Variants in ZFP90 observed in about 807,000 individuals in gnomAD.
ZFP90 encodes ZFP90 zinc finger protein.
In ZFP90, 38 loss-of-function variants were observed where a neutral mutation model predicts 60.8. That is an observed-to-expected ratio of 0.62 (90% CI 0.48 to 0.82). ZFP90 has a LOEUF of 0.82. ZFP90 is among the 40% of genes least tolerant of loss of function. The pLI, the probability that ZFP90 is intolerant of heterozygous loss-of-function variation, is 0.00. For missense variants in ZFP90, 711 were observed against 759.1 expected (o/e 0.94, Z 0.74); for synonymous variants, 287 against 264.8 (o/e 1.08, Z -0.82).
chr16:68,543,281 A>AT (rs1488575838), intron 2 of ZFP90, among the ~76,000 whole-genome samples: 8 of 152,170 alleles, frequency 5.3e-5, no homozygotes, highest in Non-Finnish European at 1.2e-4. Context: ...AACTTCATAG[A>AT]TTTTTTAAAA....
downstream of ZFP90, among the ~76,000 whole-genome samples, chr16:68,571,886 G>A (rs775894491): frequency 5.9e-5 from 9 of 152,180 alleles, no homozygotes; most frequent in Admixed American, 1.3e-4. Context: ...AATTAAAAAG[G>A]GAGGGCAGAG....
Position 68,565,634 on chromosome 16 carries a change from C to A in ZFP90, c.*936C>A. 1 of 985,332 alleles carries A rather than the reference C, an allele frequency of 1.0e-6. No individual in the cohort carries two copies. Among genetic ancestry groups the A allele is most frequent in the South Asian group, 4.7e-5 (1 of 21,268 alleles). 61.0% of individuals were successfully genotyped at this position (985,332 alleles called of 1,614,324 possible). On this transcript the variant is annotated 3_prime_UTR_variant, in exon 5 of 5. Coordinates refer to ENST00000563169, the MANE Select transcript of ZFP90 (RefSeq NM_001305203.2). ...CCTTATTGTACTTTTTATGGCATGC[C>A]CATGAAAAAGCACTTTCTTAAGCCT...
rs773204154 is a variant in ZFP90 at position 68,563,100 on chromosome 16, G to T, written c.313G>T (p.Val105Leu). The T allele has an allele frequency of 5.0e-6, 8 of 1,614,132 alleles. No homozygotes were observed. The highest frequency in any genetic ancestry group is 1.7e-5 in the Admixed American group (1 of 60,014). Reference protein sequence around the residue: ...SSHLQQDVSEVSHCTHDLLHA... With the variant: ...SSHLQQDVSELSHCTHDLLHA... ...ACATTTGCAGCAGGATGTATCAGAA[G>T]TATCCCACTGCACACATGATCTCTT... The change falls in exon 5 of 5, where the codon GTA becomes TTA. Residue 105 changes from valine to leucine, a missense_variant. Coordinates refer to ENST00000563169, the MANE Select transcript of ZFP90 (RefSeq NM_001305203.2).
rs1273422240 is a variant in ZFP90 at position 68,563,203 on chromosome 16, G to A, written c.416G>A (p.Gly139Glu). ...RQQENWKRHL[G>E]SEASTQKKII... The stretch of plus-strand genomic sequence containing the variant: ...CAGGAAAACTGGAAGAGACATCTGG[G>A]ATCAGAGGCATCCACCCAGAAGAAA... The change falls in exon 5 of 5, where the codon GGA becomes GAA. Residue 139 changes from glycine to glutamate, a missense_variant. This residue lies in a region of ZFP90 where 241 missense variants were observed against 247.6 expected (regional missense o/e 0.97). Coordinates refer to ENST00000563169, the MANE Select transcript of ZFP90 (RefSeq NM_001305203.2). The A allele has an allele frequency of 2.5e-6, 4 of 1,614,126 alleles. No homozygotes were observed. The African/African-American group carries it at 5.3e-5, about 22-fold the overall frequency.
downstream of ZFP90, among the ~76,000 whole-genome samples, chr16:68,569,803 A>T (rs565149267): frequency 4.6e-5 from 7 of 152,290 alleles, no homozygotes; most frequent in Admixed American, 1.3e-4. Context: ...TAAAAAAGGA[A>T]TCAGAAGATA....
chr16:68,549,876 G>C (rs1021552872), intron 2 of ZFP90, among the ~76,000 whole-genome samples: 1 of 151,948 alleles, frequency 6.6e-6, no homozygotes, highest in Non-Finnish European at 1.5e-5. Flanking sequence ...AGGGAAGAAA[G>C]TACATTATGG....
At chr16:68,556,278 G>A (rs2091343107) in intron 2 of ZFP90, among the ~76,000 whole-genome samples, 1 of 150,660 alleles carries the variant, frequency 6.6e-6, no homozygotes, top group East Asian at 2.0e-4. Flanking sequence ...TCTAGCATCA[G>A]AGCTGACAAT....
intron 4 of ZFP90, among the ~76,000 whole-genome samples, chr16:68,560,543 T>G (rs2091422824): frequency 6.6e-6 from 1 of 151,360 alleles, no homozygotes; most frequent in African/African-American, 2.4e-5. Flanking sequence ...TGGATTTTAT[T>G]TATTTATTTA....
chr16:68,566,989 T>A lies in ZFP90; in HGVS notation c.*2291T>A, dbSNP rs966167332. 1 of 985,466 alleles carries A rather than the reference T, an allele frequency of 1.0e-6. No homozygotes were observed. Among genetic ancestry groups the A allele is most frequent in the Non-Finnish European group, 1.2e-6 (1 of 829,958 alleles). 61.0% of individuals were successfully genotyped at this position (985,466 alleles called of 1,614,324 possible). A position where few individuals can be genotyped will look rare whatever the true frequency, so the allele number is the denominator to read the frequency against. ...TGACAGGGAGGGAGCCCAGGACATA[T>A]GTGTGGCTCATTGACCAGAAGGCTT... On this transcript the variant is annotated 3_prime_UTR_variant, in exon 5 of 5. Transcript: ENST00000563169.
chr16:68,536,188 C>G (rs2090959457), upstream of ZFP90, among the ~76,000 whole-genome samples: 1 of 152,216 alleles, frequency 6.6e-6, no homozygotes, highest in Non-Finnish European at 1.5e-5. Context: ...GTTTTAAAAC[C>G]TCTGCTCTCC....
intron 2 of ZFP90, among the ~76,000 whole-genome samples, chr16:68,544,169 CAT>C (rs901124492): frequency 7.9e-5 from 12 of 152,150 alleles, no homozygotes; most frequent in South Asian, 2.1e-4. Flanking sequence ...TTTTTCATAA[CAT>C]GTGTACTACA....
intron 2 of ZFP90, chr16:68,575,756 TG>T: frequency 2.5e-6 from 1 of 398,252 alleles, no homozygotes; most frequent in East Asian, 3.6e-5. Context: ...GCTTGAAGGT[TG>T]GGTTTCAGTG....
upstream of ZFP90, among the ~76,000 whole-genome samples, chr16:68,537,566 A>G (rs1428691871): frequency 1.3e-5 from 2 of 152,008 alleles, no homozygotes; most frequent in African/African-American, 4.8e-5. Flanking sequence ...AGCATTCATT[A>G]ATTTTTATAT....
chr16:68,542,649 C>T (rs964410280), intron 2 of ZFP90, among the ~76,000 whole-genome samples: 4 of 151,992 alleles, frequency 2.6e-5, no homozygotes, highest in African/African-American at 7.2e-5. Flanking sequence ...TTTGGTGAAT[C>T]GGGAGTTGGG....
At chr16:68,535,268 T>G (rs2090951785), upstream of ZFP90, among the ~76,000 whole-genome samples, 1 of 152,300 alleles carries the variant, frequency 6.6e-6, no homozygotes, top group East Asian at 1.9e-4. Context: ...AGGCTGTAAT[T>G]CCACATAGGA....
chr16:68,551,508 G>A (rs909754322), intron 2 of ZFP90, among the ~76,000 whole-genome samples: 3 of 144,524 alleles, frequency 2.1e-5, no homozygotes, highest in East Asian at 2.0e-4. Context: ...TGCAAACTTC[G>A]TCTCCTGGGT....
chr16:68,557,104 C>T (rs2091356287), intron 2 of ZFP90: 1 of 440,384 alleles, frequency 2.3e-6, no homozygotes, highest in Non-Finnish European at 4.6e-6. Flanking sequence ...CCTTCCAGCT[C>T]AGCCTCCTGA....
At chr16:68,555,645 A>G (rs1030755803) in intron 2 of ZFP90, among the ~76,000 whole-genome samples, 1 of 152,192 alleles carries the variant, frequency 6.6e-6, no homozygotes, top group African/African-American at 2.4e-5. Context: ...AACTAGGAAA[A>G]CAAGCATTAA....
Position 68,564,249 on chromosome 16 carries a change from G to A in ZFP90, c.1462G>A (p.Ala488Thr), listed in dbSNP as rs753511131. 6.2e-7 allele frequency: 1 copy of A among 1,613,960 alleles called. No homozygotes were observed. Among genetic ancestry groups the A allele is most frequent in the South Asian group, 1.1e-5 (1 of 91,074 alleles). The change falls in exon 5 of 5, where the codon GCT becomes ACT. Residue 488 changes from alanine (A) to threonine (T), a missense_variant. By Grantham distance (58) the Ala-to-Thr change is moderately conservative. Transcript: ENST00000563169. ...YDCEQAFSQQ[A>T]ISHPGEKPYQ... is the part of the protein sequence containing the mutation. The stretch of plus-strand genomic sequence containing the variant: ...TTGTGAGCAGGCTTTTAGTCAGCAA[G>A]CTATTTCTCATCCTGGAGAGAAACC...
Sources: gnomAD v4.1 joint callset for allele counts (sites outside exome capture counted in the v4.1 genomes callset) on GRCh38, gnomAD v4.1.1 for gene constraint, gnomAD v4.1.1 regional missense constraint, MANE v1.5 for transcripts, NCBI Gene and HGNC (gene_info 2026-07-23, HGNC 2026-07-21) for gene names.